Variants in ZMYM4 observed in about 807,000 individuals in gnomAD.
ZMYM4 encodes zinc finger MYM-type containing 4, also known as zinc finger MYM-type protein 4.
A neutral mutation model predicts 183.2 loss-of-function variants in ZMYM4; 31 were observed. The observed-to-expected ratio is 0.17, with a 90% confidence interval of 0.13 to 0.23. The LOEUF (loss-of-function observed/expected upper bound fraction) is 0.23. ZMYM4 is among the 10% of genes least tolerant of loss of function. ZMYM4 has a pLI of 1.00. For missense variants in ZMYM4, 1,273 were observed against 1,840.3 expected (o/e 0.69, Z 5.64); for synonymous variants, 592 against 631.2 (o/e 0.94, Z 0.93).
At chr1:35,411,834 C>A (rs1639910797) in intron 26 of ZMYM4, among the ~76,000 whole-genome samples, 1 of 152,110 alleles carries the variant, frequency 6.6e-6, no homozygotes, top group Admixed American at 6.5e-5. Context: ...TACATTTCTT[C>A]TCAAGTATTT....
chr1:35,411,514 T>G (rs1033306006), intron 26 of ZMYM4, among the ~76,000 whole-genome samples: 3 of 152,192 alleles, frequency 2.0e-5, no homozygotes, highest in Admixed American at 1.3e-4. Flanking sequence ...GCAACTTACA[T>G]TATAGCTTTG....
At chr1:35,269,800 A>G (rs567305702) in intron 1 of ZMYM4, among the ~76,000 whole-genome samples, 1 of 152,300 alleles carries the variant, frequency 6.6e-6, no homozygotes, top group South Asian at 2.1e-4. Flanking sequence ...AATACCTTTT[A>G]AAGTTTGTCT....
intron 9 of ZMYM4, 75 bp from the exon 10 acceptor site, chr1:35,385,367 A>C: frequency 1.4e-6 from 2 of 1,411,142 alleles, no homozygotes; most frequent in Non-Finnish European, 1.9e-6. Flanking sequence ...AAAAGTGTTG[A>C]GTATAAACAT....
chr1:35,274,041 T>C (rs1015396277), intron 1 of ZMYM4, among the ~76,000 whole-genome samples: 2 of 152,222 alleles, frequency 1.3e-5, no homozygotes, highest in African/African-American at 4.8e-5. Context: ...TAATATTTTA[T>C]AATAAAATAA....
At chr1:35,324,106 ATT>A (rs1319243846) in intron 1 of ZMYM4, among the ~76,000 whole-genome samples, 1 of 151,782 alleles carries the variant, frequency 6.6e-6, no homozygotes, top group Non-Finnish European at 1.5e-5. Flanking sequence ...TTTCTTTGGT[ATT>A]TAGTGGGCCC....
At chr1:35,334,284 A>C (rs1229959367) in intron 2 of ZMYM4, among the ~76,000 whole-genome samples, 1 of 152,194 alleles carries the variant, frequency 6.6e-6, no homozygotes, top group African/African-American at 2.4e-5. Context: ...ATGCCACTGC[A>C]CGCCAGCCTG....
chr1:35,350,295 C>CTT (rs150946737), intron 2 of ZMYM4, among the ~76,000 whole-genome samples: 2 of 143,320 alleles, frequency 1.4e-5, no homozygotes, highest in African/African-American at 5.1e-5. Flanking sequence ...GTTGAAATTA[C>CTT]TTTTTTTTTT....
At chr1:35,319,080 A>G (rs1392629755) in intron 1 of ZMYM4, among the ~76,000 whole-genome samples, 1 of 152,052 alleles carries the variant, frequency 6.6e-6, no homozygotes, top group Non-Finnish European at 1.5e-5. Context: ...GGGTTTCTCT[A>G]TGTTGGTCAG....
chr1:35,392,373 A>AT lies in ZMYM4; in HGVS notation c.2728+24dup, dbSNP rs753399218. 8.3e-5 allele frequency: 134 copies of AT among 1,608,104 alleles called. 1 individual carries two copies. In the Middle Eastern group the frequency reaches 3.2e-3, roughly 38 times the overall value. On this transcript the variant is annotated intron_variant, in intron 16 of 29. Coordinates refer to ENST00000314607, the MANE Select transcript of ZMYM4 (RefSeq NM_005095.3). ...ACAAGGTATGGCTTGATTGGAAAGCATTTATCTAGCCTATTTAGGTTGAAT... is the reference window on the plus strand; with the variant it reads ...ACAAGGTATGGCTTGATTGGAAAGCATTTTATCTAGCCTATTTAGGTTGAAT...
intron 1 of ZMYM4, among the ~76,000 whole-genome samples, chr1:35,287,355 C>G (rs1259368306): frequency 6.6e-6 from 1 of 151,836 alleles, no homozygotes; most frequent in Non-Finnish European, 1.5e-5. Context: ...GCATCAGCCA[C>G]TGGCTTATAG....
intron 1 of ZMYM4, among the ~76,000 whole-genome samples, chr1:35,296,726 G>C (rs983202143): frequency 1.3e-5 from 2 of 152,088 alleles, no homozygotes; most frequent in African/African-American, 4.8e-5. Context: ...CAGAGGGCAG[G>C]TGGAAGTTTG....
chr1:35,277,179 A>G (rs1639919232), intron 1 of ZMYM4, among the ~76,000 whole-genome samples: 1 of 152,182 alleles, frequency 6.6e-6, no homozygotes. Flanking sequence ...TCTCCGATAA[A>G]TTAATCAGAG....
At chr1:35,347,923 A>G (rs1305094018) in intron 2 of ZMYM4, among the ~76,000 whole-genome samples, 1 of 152,216 alleles carries the variant, frequency 6.6e-6, no homozygotes, top group Non-Finnish European at 1.5e-5. Flanking sequence ...ACTCAGTAAG[A>G]TGATAGTTTA....
chr1:35,399,586 A>T lies in ZMYM4; in HGVS notation c.3528+10A>T. The T allele has an allele frequency of 6.2e-7, 1 of 1,614,004 alleles. No homozygotes were observed. Among genetic ancestry groups the T allele is most frequent in the Non-Finnish European group, 8.5e-7 (1 of 1,179,924 alleles). The stretch of plus-strand genomic sequence containing the variant: ...CCAACCCAGACGAAGAGTAAGCTGC[A>T]GCTTAACTTTTCTAGACTTTTCTTT... On this transcript the variant is annotated intron_variant, in intron 23 of 29. Coordinates refer to ENST00000314607, the MANE Select transcript of ZMYM4 (RefSeq NM_005095.3).
At chr1:35,282,623 A>C (rs1337100395) in intron 1 of ZMYM4, among the ~76,000 whole-genome samples, 1 of 152,006 alleles carries the variant, frequency 6.6e-6, no homozygotes, top group Non-Finnish European at 1.5e-5. Flanking sequence ...TGGTGTGATC[A>C]TGGGTCAGTG....
chr1:35,415,362 G>A (rs1558204618), intron 27 of ZMYM4, 104 bp from the exon 28 acceptor site: 25 of 1,437,264 alleles, frequency 1.7e-5, no homozygotes, highest in Non-Finnish European at 2.0e-5. Context: ...AAGAGGAATA[G>A]TCAGTTTTTC....
intron 25 of ZMYM4, 129 bp downstream of exon 25, chr1:35,405,597 T>C (rs1644988132): frequency 5.2e-6 from 4 of 767,732 alleles, no homozygotes; most frequent in East Asian, 3.0e-5. Flanking sequence ...ATTAATCTTA[T>C]CCCGTTTTAA....
intron 25 of ZMYM4, 62 bp downstream of exon 25, chr1:35,405,530 T>G: frequency 8.0e-7 from 1 of 1,256,424 alleles, no homozygotes; most frequent in East Asian, 2.6e-5. Context: ...GATTTAAATT[T>G]GTAAATTGAA....
chr1:35,336,406 T>TA (rs1642978520), intron 2 of ZMYM4, among the ~76,000 whole-genome samples: 1 of 151,292 alleles, frequency 6.6e-6, no homozygotes, highest in South Asian at 2.1e-4. Flanking sequence ...TTTTTTTTGA[T>TA]ACAGAGTTTC....
Sources: gnomAD v4.1 joint callset for allele counts (sites outside exome capture counted in the v4.1 genomes callset) on GRCh38, gnomAD v4.1.1 for gene constraint, MANE v1.5 for transcripts, NCBI Gene and HGNC (gene_info 2026-07-23, HGNC 2026-07-21) for gene names.